The following DPYD variants were observed in gnomAD, a reference collection of about 807,000 sequenced individuals.
DPYD encodes dihydropyrimidine dehydrogenase [NADP(+)].
A neutral mutation model predicts 116.2 loss-of-function variants in DPYD; 109 were observed. The ratio of observed to expected loss-of-function variants is 0.94; its 90% CI spans 0.80 to 1.10. The LOEUF (loss-of-function observed/expected upper bound fraction) is 1.10, where lower values mean the gene tolerates loss of function less well. DPYD is among the 50% of genes least tolerant of loss of function. DPYD has a pLI of 0.00. For missense variants in DPYD, 1,302 were observed against 1,254.5 expected, an observed-to-expected ratio of 1.04 and a Z score of -0.57; for synonymous variants, 440 against 432.0, an observed-to-expected ratio of 1.02 and a Z score of -0.23.
intron 13 of DPYD, among the ~76,000 whole-genome samples, chr1:97,498,567 A>G (rs955712735): frequency 6.6e-6 from 1 of 151,484 alleles, no homozygotes; most frequent in East Asian, 1.9e-4. Flanking sequence ...TCAACAGATA[A>G]TTGCATAAAA....
intron 13 of DPYD, among the ~76,000 whole-genome samples, chr1:97,453,363 C>A (rs564770768): frequency 6.6e-6 from 1 of 152,186 alleles, no homozygotes; most frequent in East Asian, 1.9e-4. Context: ...AGCTAATGAG[C>A]CTGTCCAACT....
intron 20 of DPYD, among the ~76,000 whole-genome samples, chr1:97,186,382 T>C (rs1243153810): frequency 6.6e-6 from 1 of 152,136 alleles, no homozygotes; most frequent in Non-Finnish European, 1.5e-5. Context: ...TCATCCCATA[T>C]CCTGCTTCTA....
chr1:97,487,854 AAC>A (rs1291558828), intron 13 of DPYD, among the ~76,000 whole-genome samples: 1 of 152,192 alleles, frequency 6.6e-6, no homozygotes, highest in African/African-American at 2.4e-5. Context: ...CATTCTGAAA[AAC>A]AGTTTGGCAC....
intron 11 of DPYD, among the ~76,000 whole-genome samples, chr1:97,554,713 A>C (rs1651566797): frequency 6.6e-6 from 1 of 152,128 alleles, no homozygotes; most frequent in Non-Finnish European, 1.5e-5. Flanking sequence ...CCTCCAACTA[A>C]GAATATCAAG....
chr1:97,407,773 C>G (rs2101656356), intron 14 of DPYD, among the ~76,000 whole-genome samples: 1 of 152,172 alleles, frequency 6.6e-6, no homozygotes, highest in South Asian at 2.1e-4. Context: ...CCTTAGTGAC[C>G]CACTAGCAAA....
intron 14 of DPYD, among the ~76,000 whole-genome samples, chr1:97,412,030 A>G (rs968514310): frequency 2.6e-5 from 4 of 152,244 alleles, no homozygotes; most frequent in African/African-American, 9.6e-5. Context: ...ACTAATATTT[A>G]CAATGCATGC....
intron 16 of DPYD, among the ~76,000 whole-genome samples, chr1:97,348,072 T>C (rs1436664722): frequency 6.6e-6 from 1 of 152,146 alleles, no homozygotes; most frequent in Admixed American, 6.6e-5. Flanking sequence ...TTCATGGATG[T>C]TAAGAAGGCA....
intron 13 of DPYD, among the ~76,000 whole-genome samples, chr1:97,502,283 G>C (rs529357502): frequency 6.6e-6 from 1 of 152,118 alleles, no homozygotes; most frequent in East Asian, 1.9e-4. Context: ...AATTATTTCT[G>C]CATTATCTAA....
At chr1:97,648,877 G>A (rs1190172350) in intron 8 of DPYD, among the ~76,000 whole-genome samples, 1 of 151,984 alleles carries the variant, frequency 6.6e-6, no homozygotes, top group Non-Finnish European at 1.5e-5. Flanking sequence ...TACGGCTACT[G>A]TTACCTCATT....
intron 3 of DPYD, among the ~76,000 whole-genome samples, chr1:97,740,765 A>G (rs546523499): frequency 3.1e-4 from 47 of 151,808 alleles, no homozygotes; most frequent in East Asian, 1.5e-3. Flanking sequence ...CCATTCCCTC[A>G]CTCTATCAGT....
intron 8 of DPYD, among the ~76,000 whole-genome samples, chr1:97,676,795 TG>T (rs1660168483): frequency 6.6e-6 from 1 of 152,192 alleles, no homozygotes; most frequent in Non-Finnish European, 1.5e-5. Context: ...TACGGCTACT[TG>T]TCTTCCACAG....
At chr1:97,633,953 A>T (rs1260706886) in intron 8 of DPYD, among the ~76,000 whole-genome samples, 2 of 152,102 alleles carry the variant, frequency 1.3e-5, no homozygotes, top group Non-Finnish European at 2.9e-5. Context: ...AGGGAGGGAG[A>T]GCCTTCACAA....
intron 19 of DPYD, among the ~76,000 whole-genome samples, chr1:97,218,883 T>C (rs1474504884): frequency 2.0e-5 from 3 of 152,046 alleles, no homozygotes; most frequent in African/African-American, 4.8e-5. Flanking sequence ...GTGTAGGTGT[T>C]AGGAGGATAA....
At chr1:97,920,793 G>A in intron 1 of DPYD, 91 bp downstream of exon 1, 1 of 1,512,022 alleles carries the variant, frequency 6.6e-7, no homozygotes, top group Non-Finnish European at 9.0e-7. Context: ...ACTCTCCGGG[G>A]TGCGGGGGCC....
intron 10 of DPYD, among the ~76,000 whole-genome samples, chr1:97,576,185 T>C (rs1557810686): frequency 6.6e-6 from 1 of 152,188 alleles, no homozygotes; most frequent in Non-Finnish European, 1.5e-5. Flanking sequence ...CATATCACCT[T>C]ATAACTCATC....
At chr1:97,261,250 G>A (rs1411979465) in intron 18 of DPYD, among the ~76,000 whole-genome samples, 1 of 151,984 alleles carries the variant, frequency 6.6e-6, no homozygotes, top group Non-Finnish European at 1.5e-5. Context: ...GGAAAGAAAG[G>A]GAAGGGGAGC....
intron 1 of DPYD, among the ~76,000 whole-genome samples, chr1:97,920,505 G>C (rs1007798183): frequency 5.3e-5 from 8 of 152,166 alleles, no homozygotes; most frequent in African/African-American, 1.9e-4. Flanking sequence ...CGACATACAG[G>C]AGGTGAAGGG....
chr1:97,468,531 C>T (rs528331852), intron 13 of DPYD, among the ~76,000 whole-genome samples: 35 of 152,094 alleles, frequency 2.3e-4, no homozygotes, highest in Admixed American at 1.9e-3. Flanking sequence ...TTTGCCAGTG[C>T]GTTAAACTTA....
intron 14 of DPYD, among the ~76,000 whole-genome samples, chr1:97,389,573 TAA>T (rs1011824901): frequency 2.2e-4 from 33 of 152,120 alleles, no homozygotes; most frequent in African/African-American, 7.7e-4. Context: ...TTTTAGTGCT[TAA>T]GTCATTAAAA....
Sources: allele counts gnomAD v4.1 joint callset (sites outside exome capture counted in the v4.1 genomes callset), GRCh38; gene constraint gnomAD v4.1.1; transcripts MANE v1.5; gene names NCBI Gene and HGNC (gene_info 2026-07-23, HGNC 2026-07-21).